Variants in CHST7 observed in about 807,000 individuals in gnomAD.
CHST7 encodes the protein carbohydrate sulfotransferase 7, also known as N-acetylglucosamine 6-O-sulfotransferase 4.
CHST7 carries 5 observed loss-of-function variants against 9.0 expected under a neutral mutation model. That is an observed-to-expected ratio of 0.56 (90% confidence interval 0.29 to 1.17). The LOEUF is 1.17. Among genes scored for constraint, CHST7 ranks in the 50% most tolerant of loss-of-function variants. CHST7 has a pLI of 0.08. For missense variants in CHST7, 377 were observed against 485.1 expected, an observed-to-expected ratio of 0.78 and a Z score of 2.09; for synonymous variants, 244 against 237.1, an observed-to-expected ratio of 1.03 and a Z score of -0.27.
chrX:46,578,771 C>T (rs922817815), intron 1 of CHST7, among the ~76,000 whole-genome samples: 6 of 110,233 alleles, frequency 5.4e-5, no homozygotes, highest in South Asian at 7.8e-4. Flanking sequence ...TACCAGCCGA[C>T]GTCCCTTTAT....
chrX:46,576,068 G>A (rs1053080973), intron 1 of CHST7, among the ~76,000 whole-genome samples: 11 of 110,852 alleles, frequency 9.9e-5, no homozygotes, highest in Non-Finnish European at 1.9e-4. Context: ...CTTGCACATT[G>A]TGTGTCTCAG....
At chrX:46,588,501 GC>G (rs1942559429) in intron 1 of CHST7, among the ~76,000 whole-genome samples, 1 of 111,280 alleles carries the variant, frequency 9.0e-6, no homozygotes, top group African/African-American at 3.3e-5. Flanking sequence ...TTCTGCTGTA[GC>G]CCCAGGAGCC....
At chrX:46,590,591 A>G (rs5952909) in intron 1 of CHST7, among the ~76,000 whole-genome samples, 27,941 of 110,726 alleles carry the variant, frequency 0.25, 2,879 homozygotes, top group Middle Eastern at 0.37. Context: ...TGTACCCTTC[A>G]AATAGCTTCC....
chrX:46,591,568 T>A (rs1942573161), intron 1 of CHST7, among the ~76,000 whole-genome samples: 1 of 109,942 alleles, frequency 9.1e-6, no homozygotes, highest in Non-Finnish European at 1.9e-5. Flanking sequence ...AGAAACAGGG[T>A]TTCACCATGT....
intron 1 of CHST7, among the ~76,000 whole-genome samples, chrX:46,580,484 G>GTGTGTGTGTGCGCA (rs749632337): frequency 8.9e-6 from 1 of 112,021 alleles, no homozygotes; most frequent in African/African-American, 3.2e-5. Flanking sequence ...AGTTAGGATG[G>GTGTGTGTGTGCGCA]TGTGTGTGTG....
Position 46,574,429 on chromosome X carries a change from C to T in CHST7, c.498C>T (p.Ser166=), listed in dbSNP as rs1221523522. ...MLRSLFRCDF[S]VLRLYAPPGD... The stretch of plus-strand genomic sequence containing the variant: ...GTTCGCTCTTCCGCTGCGACTTCTC[C>T]GTGCTGCGGCTGTACGCGCCGCCGG... Residue 166 remains serine (S), a synonymous_variant, in exon 1 of 2, where the codon TCC becomes TCT. Transcript: ENST00000276055. 2 of 1,206,548 alleles carry T rather than the reference C, an allele frequency of 1.7e-6. No individual in the cohort carries two copies. The highest frequency in any genetic ancestry group is 4.4e-5 in the Admixed American group (2 of 45,944).
intron 1 of CHST7, among the ~76,000 whole-genome samples, chrX:46,591,221 G>A (rs1345700071): frequency 2.7e-5 from 3 of 111,903 alleles, no homozygotes; most frequent in Non-Finnish European, 5.6e-5. Flanking sequence ...TGCAATTGCT[G>A]GATCGTGTGG....
chrX:46,575,341 GC>G lies in CHST7; in HGVS notation c.1413del (p.Arg472GlyfsTer59). ...GCGGAGAGGAGGGCGACGCGGAGCA[GC>G]CCAGGGAAGGGGAGACGCCGCTGGA... ...RSGEEGDAEQ[P>X]REGETPLEMD... On this transcript the variant is annotated frameshift_variant, in exon 1 of 2. Coordinates refer to ENST00000276055, the MANE Select transcript of CHST7 (RefSeq NM_019886.4). LOFTEE classifies it low-confidence loss of function (END_TRUNC). 1 of 1,068,608 alleles carries G rather than the reference GC, an allele frequency of 9.4e-7. No individual in the cohort carries two copies. The highest frequency in any genetic ancestry group is 1.2e-6 in the Non-Finnish European group (1 of 830,828). The allele number at this position is 1,068,608 out of a possible 1,213,427, so 88.1% of individuals were successfully genotyped here. A position where few individuals can be genotyped will look rare whatever the true frequency, so the allele number is the denominator to read the frequency against.
chrX:46,592,497 G>T (rs1942577378), intron 1 of CHST7, among the ~76,000 whole-genome samples: 1 of 111,829 alleles, frequency 8.9e-6, no homozygotes, highest in South Asian at 3.7e-4. Flanking sequence ...TGAGTAGCTG[G>T]GACTACAAGT....
chrX:46,597,338 C>T (rs900988875), intron 1 of CHST7, among the ~76,000 whole-genome samples: 38 of 112,118 alleles, frequency 3.4e-4, no homozygotes, highest in African/African-American at 1.2e-3. Flanking sequence ...TTTATAGAAT[C>T]GTCAGTTGCT....
At chrX:46,577,556 G>A (rs985245305) in intron 1 of CHST7, among the ~76,000 whole-genome samples, 4 of 111,723 alleles carry the variant, frequency 3.6e-5, no homozygotes, top group East Asian at 2.8e-4. Context: ...GAAGGGCTAT[G>A]TGTCATGCAC....
intron 1 of CHST7, among the ~76,000 whole-genome samples, chrX:46,575,837 T>A (rs1433058185): frequency 8.9e-6 from 1 of 112,051 alleles, no homozygotes; most frequent in African/African-American, 3.2e-5. Flanking sequence ...TGGAGTTATC[T>A]TGATGCCAGT....
In CHST7 at chrX:46,598,476, T is replaced by TGAA. The variant is rs1942609902; in HGVS notation, c.*751_*753dup. On this transcript the variant is annotated 3_prime_UTR_variant, in exon 2 of 2. Coordinates refer to ENST00000276055, the MANE Select transcript of CHST7 (RefSeq NM_019886.4). ...AAGCTAGCCTACATACAAAGGAATA[T>TGAA]GAAGACTGTGGAAGAAACTGTATAT... is the stretch of plus-strand genomic sequence containing the variant. 1 of 112,656 alleles carries TGAA rather than the reference T, an allele frequency of 8.9e-6. No homozygotes were observed. The highest frequency in any genetic ancestry group is 3.2e-5 in the African/African-American group (1 of 31,080). 9.3% of individuals were successfully genotyped at this position (112,656 alleles called of 1,213,427 possible). A position where few individuals can be genotyped will look rare whatever the true frequency, so the allele number is the denominator to read the frequency against.
intron 1 of CHST7, among the ~76,000 whole-genome samples, chrX:46,594,346 G>A (rs186097412): frequency 1.8e-5 from 2 of 110,345 alleles, no homozygotes; most frequent in East Asian, 2.8e-4. Flanking sequence ...TGGCCAACGT[G>A]GCGAAACCCC....
intron 1 of CHST7, among the ~76,000 whole-genome samples, chrX:46,588,245 A>G (rs927901997): frequency 9.0e-6 from 1 of 110,980 alleles, no homozygotes; most frequent in African/African-American, 3.3e-5. Context: ...TTCAAGGAGT[A>G]GAAATGAGGT....
In CHST7 at chrX:46,575,093, C is replaced by T; in HGVS notation, c.1162C>T (p.Arg388Cys). Residue 388 changes from arginine (R) to cysteine (C), a missense_variant, in exon 1 of 2, where the codon CGC becomes TGC. Arg to Cys is a radical substitution (Grantham distance 180). Coordinates refer to ENST00000276055, the MANE Select transcript of CHST7 (RefSeq NM_019886.4). ...GCGGCAGCCACGCGCCCAGCTGCGCCGCCTGCTGCGCTTCTCCGGGCTACG... is the reference window on the plus strand; with the variant it reads ...GCGGCAGCCACGCGCCCAGCTGCGCTGCCTGCTGCGCTTCTCCGGGCTACG... ...LVRQPRAQLR[R>C]LLRFSGLRAL... 1 of 1,118,797 alleles carries T rather than the reference C, an allele frequency of 8.9e-7. No homozygotes were observed. Among genetic ancestry groups the T allele is most frequent in the Admixed American group, 3.1e-5 (1 of 32,534 alleles). The allele number at this position is 1,118,797 out of a possible 1,213,427, so 92.2% of individuals were successfully genotyped here.
chrX:46,581,249 A>AAAAAT (rs1556028613), intron 1 of CHST7, among the ~76,000 whole-genome samples: 1 of 89,848 alleles, frequency 1.1e-5, no homozygotes, highest in African/African-American at 4.1e-5. Context: ...AAAAAAAAAA[A>AAAAAT]AATAATAATA....
At chrX:46,588,729 C>CTT (rs375039012) in intron 1 of CHST7, among the ~76,000 whole-genome samples, 105 of 109,316 alleles carry the variant, frequency 9.6e-4, no homozygotes, top group Middle Eastern at 4.7e-3. Flanking sequence ...AATAACCATG[C>CTT]TTTTTTTTTA....
chrX:46,591,671 G>A (rs950768022), intron 1 of CHST7, among the ~76,000 whole-genome samples: 5 of 111,152 alleles, frequency 4.5e-5, no homozygotes, highest in African/African-American at 1.6e-4. Flanking sequence ...CACCGCGCCT[G>A]GCCGAGATTT....
Sources: allele counts gnomAD v4.1 joint callset (sites outside exome capture counted in the v4.1 genomes callset), GRCh38; gene constraint gnomAD v4.1.1; transcripts MANE v1.5; gene names NCBI Gene and HGNC (gene_info 2026-07-23, HGNC 2026-07-21).